SGCZ: variants seen among roughly 807,000 people sequenced by gnomAD.
SGCZ encodes sarcoglycan zeta.
SGCZ carries 40 observed loss-of-function variants against 41.3 expected under a neutral mutation model. The observed-to-expected ratio is 0.97, with a 90% CI of 0.75 to 1.26. The LOEUF is 1.26. SGCZ is among the 50% of genes most tolerant of loss of function. The probability of loss-of-function intolerance (pLI) is 0.00; values close to 1 mark genes in which losing one functional copy is unlikely to be tolerated. For missense variants in SGCZ, 552 were observed against 369.8 expected (o/e 1.49, Z -4.04); for synonymous variants, 206 against 137.5 (o/e 1.50, Z -3.49).
At chr8:14,286,081 G>GT (rs3068480) in intron 3 of SGCZ, among the ~76,000 whole-genome samples, 83 of 151,116 alleles carry the variant, frequency 5.5e-4, no homozygotes, top group African/African-American at 1.9e-3. Flanking sequence ...AATGTATTTT[G>GT]TTTTTTTTCT....
At chr8:14,185,297 G>A (rs1046289323) in intron 4 of SGCZ, among the ~76,000 whole-genome samples, 4 of 152,006 alleles carry the variant, frequency 2.6e-5, no homozygotes, top group Non-Finnish European at 4.4e-5. Flanking sequence ...CTAGCTACTC[G>A]CAGGCTGAGG....
chr8:14,355,812 A>T (rs921514177), intron 2 of SGCZ, among the ~76,000 whole-genome samples: 1 of 152,086 alleles, frequency 6.6e-6, no homozygotes, highest in Admixed American at 6.6e-5. Flanking sequence ...ATACAAGAAT[A>T]AAAAAACAGC....
chr8:14,508,943 A>G lies in SGCZ; in HGVS notation c.234+45789T>C, dbSNP rs577275787. Among the ~76,000 whole-genome samples, 11 of 152,308 alleles carry G rather than the reference A, an allele frequency of 7.2e-5. No individual in the cohort carries two copies. In the South Asian group the frequency reaches 1.7e-3, roughly 23 times the overall value. ...ATTGCATTACTATTTTACAAACATC[A>G]AAATATGTAGTACTTATTGATTTAC... is the stretch of plus-strand genomic sequence containing the variant. On this transcript the variant is annotated intron_variant, in intron 2 of 7. Coordinates refer to ENST00000382080, the MANE Select transcript of SGCZ (RefSeq NM_139167.4).
rs546164304 is a variant in SGCZ, at chr8:15,207,640, G to A, written c.39+29945C>T. 6.6e-5 allele frequency among the ~76,000 whole-genome samples: 10 copies of A among 152,218 alleles called. No individual in the cohort carries two copies. The South Asian group carries it at 2.1e-3, about 32-fold the overall frequency. The stretch of plus-strand genomic sequence containing the variant: ...AGGCAGGTGACAGCAGCAATCACAA[G>A]GAATATGGAAAAAAAGGGTTGTTGA... On this transcript the variant is annotated intron_variant, in intron 1 of 7. Transcript: ENST00000382080.
intron 1 of SGCZ, among the ~76,000 whole-genome samples, chr8:14,678,014 C>T (rs1043256360): frequency 5.9e-5 from 9 of 152,106 alleles, no homozygotes; most frequent in African/African-American, 2.2e-4. Flanking sequence ...AATTTAGACA[C>T]AGACTTTGAA....
rs1491107563 is a variant in SGCZ, at chr8:14,551,473, T to TAATATATATAATATATATTATATATATAA, written c.234+3258_234+3259insTTATATATATAATATATATTATATATATT. Among the ~76,000 whole-genome samples the TAATATATATAATATATATTATATATATAA allele has an allele frequency of 2.3e-3, 26 of 11,538 alleles. 3 individuals carry two copies. The highest frequency in any genetic ancestry group is 0.083 in the Middle Eastern group (1 of 12). 7.6% of individuals were successfully genotyped at this position (11,538 alleles called of 152,430 possible). A position where few individuals can be genotyped will look rare whatever the true frequency, so the allele number is the denominator to read the frequency against. On this transcript the variant is annotated intron_variant, in intron 2 of 7. Transcript: ENST00000382080. ...ATATATATTATATATATTATATATA[T>TAATATATATAATATATATTATATATATAA]TATATATTATATATATTATATATAT...
chr8:14,639,266 A>T (rs995464756), intron 1 of SGCZ, among the ~76,000 whole-genome samples: 3 of 151,566 alleles, frequency 2.0e-5, no homozygotes, highest in Middle Eastern at 3.2e-3. Context: ...TTACCTTACC[A>T]CTAATATATT....
chr8:14,457,385 C>A (rs1028749077), intron 2 of SGCZ, among the ~76,000 whole-genome samples: 1 of 152,172 alleles, frequency 6.6e-6, no homozygotes, highest in African/African-American at 2.4e-5. Context: ...CCAGCGGTAG[C>A]AAAAGGTGTC....
At chr8:14,539,749 A>G (rs551423371) in intron 2 of SGCZ, among the ~76,000 whole-genome samples, 42 of 151,910 alleles carry the variant, frequency 2.8e-4, no homozygotes, top group African/African-American at 9.4e-4. Context: ...CTATGTGTCC[A>G]TGTGTTCACA....
At chr8:14,915,976 T>C (rs1799424725) in intron 1 of SGCZ, among the ~76,000 whole-genome samples, 1 of 152,196 alleles carries the variant, frequency 6.6e-6, no homozygotes, top group Non-Finnish European at 1.5e-5. Context: ...AGCAGACTGT[T>C]AAAAAAGTTT....
chr8:15,041,696 G>A (rs1804101980), intron 1 of SGCZ, among the ~76,000 whole-genome samples: 1 of 146,678 alleles, frequency 6.8e-6, no homozygotes, highest in East Asian at 1.9e-4. Context: ...ATCTAAGTGT[G>A]AATACACACA....
At chr8:14,863,211 G>A (rs1450606067) in intron 1 of SGCZ, among the ~76,000 whole-genome samples, 11 of 152,138 alleles carry the variant, frequency 7.2e-5, no homozygotes, top group African/African-American at 1.9e-4. Flanking sequence ...GCAGCTGTCC[G>A]TACTGATAGC....
chr8:14,790,185 A>C (rs1225245318), intron 1 of SGCZ, among the ~76,000 whole-genome samples: 1 of 152,210 alleles, frequency 6.6e-6, no homozygotes, highest in Admixed American at 6.5e-5. Context: ...GTGCTTTCAA[A>C]GTGGTTTCAA....
At chr8:14,119,114 T>A (rs1802612964) in intron 5 of SGCZ, among the ~76,000 whole-genome samples, 1 of 152,192 alleles carries the variant, frequency 6.6e-6, no homozygotes, top group Admixed American at 6.5e-5. Context: ...CATTGGTACC[T>A]TGATGGGGAT....
intron 2 of SGCZ, among the ~76,000 whole-genome samples, chr8:14,404,036 C>G (rs79624986): frequency 0.04 from 6,102 of 151,820 alleles, 387 homozygotes; most frequent in African/African-American, 0.14. Context: ...AGGAGGGGGG[C>G]CAACAAATCA....
chr8:14,441,813 C>T (rs1379914633), intron 2 of SGCZ, among the ~76,000 whole-genome samples: 6 of 152,124 alleles, frequency 3.9e-5, no homozygotes, highest in Non-Finnish European at 7.4e-5. Context: ...TTGTCAGTTT[C>T]TATAGCTTTT....
At chr8:14,613,345 G>A (rs900691622) in intron 1 of SGCZ, among the ~76,000 whole-genome samples, 5 of 152,036 alleles carry the variant, frequency 3.3e-5, no homozygotes, top group East Asian at 1.9e-4. Flanking sequence ...GTTTATGAAC[G>A]TACGATTGGA....
chr8:15,124,125 G>A (rs930386544), intron 1 of SGCZ, among the ~76,000 whole-genome samples: 6 of 152,140 alleles, frequency 3.9e-5, no homozygotes, highest in Admixed American at 1.3e-4. Context: ...GTGATGTGGC[G>A]AATGAATGAG....
At chr8:14,521,954 G>C (rs1233029822) in intron 2 of SGCZ, among the ~76,000 whole-genome samples, 1 of 151,982 alleles carries the variant, frequency 6.6e-6, no homozygotes, top group African/African-American at 2.4e-5. Context: ...TTTTCTGAGA[G>C]GCTTAATCAT....
Sources: allele counts gnomAD v4.1 joint callset (sites outside exome capture counted in the v4.1 genomes callset), GRCh38; gene constraint gnomAD v4.1.1; transcripts MANE v1.5; gene names NCBI Gene and HGNC (gene_info 2026-07-23, HGNC 2026-07-21).